The following CMIP variants were observed in gnomAD, a reference collection of about 807,000 sequenced individuals.
The protein encoded by CMIP is C-Maf-inducing protein.
CMIP carries 13 observed loss-of-function variants against 97.3 expected under a neutral mutation model. That is an observed-to-expected ratio of 0.13 (90% CI 0.09 to 0.21). The LOEUF is 0.21. CMIP is among the 10% of genes least tolerant of loss of function. CMIP has a pLI of 1.00. For synonymous variants in CMIP, 538 were observed against 436.3 expected (o/e 1.23, Z -2.91); for missense variants, 847 against 1,024.9 (o/e 0.83, Z 2.37).
chr16:81,557,292 C>G (rs1038277642), intron 1 of CMIP, among the ~76,000 whole-genome samples: 2 of 151,154 alleles, frequency 1.3e-5, no homozygotes, highest in Non-Finnish European at 2.9e-5. Flanking sequence ...TGAATTCACT[C>G]GTGTTGGTTG....
chr16:81,560,015 G>C (rs147545382), intron 1 of CMIP, among the ~76,000 whole-genome samples: 31 of 151,852 alleles, frequency 2.0e-4, no homozygotes, highest in African/African-American at 7.0e-4. Context: ...GGGCATAGTG[G>C]TGTGCACCTG....
At chr16:81,563,288 A>G (rs755747433) in intron 1 of CMIP, among the ~76,000 whole-genome samples, 1 of 152,246 alleles carries the variant, frequency 6.6e-6, no homozygotes, top group Non-Finnish European at 1.5e-5. Flanking sequence ...CTTGGGGATC[A>G]TGGGCTCATA....
At position 81,614,396 on chromosome 16, in the gene CMIP, G is replaced by A. The variant is rs945675987; in HGVS notation, c.427-6480G>A. On this transcript the variant is annotated intron_variant, in intron 2 of 20. Coordinates refer to ENST00000537098, the MANE Select transcript of CMIP (RefSeq NM_198390.3). This position sits in a 1 kb window ranked among gnomAD's most constrained non-coding sequence, Gnocchi z 5.3. The stretch of plus-strand genomic sequence containing the variant: ...CACGGGTTCTCAGGGGCTCCCACGC[G>A]CGGGCCACGGGTCACTTCAGCATGA... Among the ~76,000 whole-genome samples the A allele has an allele frequency of 6.6e-5, 10 of 152,190 alleles. No individual in the cohort carries two copies. The highest frequency in any genetic ancestry group is 2.6e-4 in the Admixed American group (4 of 15,272).
At chr16:81,571,131 GT>G (rs2091079632) in intron 1 of CMIP, among the ~76,000 whole-genome samples, 1 of 152,150 alleles carries the variant, frequency 6.6e-6, no homozygotes. Context: ...TAACTCAGCA[GT>G]TTTTCTGTAA....
At chr16:81,525,654 A>T (rs1179610973) in intron 1 of CMIP, among the ~76,000 whole-genome samples, 1 of 152,154 alleles carries the variant, frequency 6.6e-6, no homozygotes, top group Non-Finnish European at 1.5e-5. Flanking sequence ...TCATTTTTAA[A>T]TGTTAAAGTT....
chr16:81,485,609 CTATT>C (rs1250192150), intron 1 of CMIP, among the ~76,000 whole-genome samples: 1 of 152,132 alleles, frequency 6.6e-6, no homozygotes, highest in Non-Finnish European at 1.5e-5. Context: ...AACTGATGGC[CTATT>C]TATTTAGCTG....
intron 15 of CMIP, among the ~76,000 whole-genome samples, 174 bp downstream of exon 15, chr16:81,699,975 G>A (rs952770866): frequency 2.6e-5 from 4 of 152,152 alleles, no homozygotes; most frequent in Admixed American, 6.5e-5. Context: ...ATCATGCAGT[G>A]TATTTGTTTC....
At chr16:81,590,613 C>G (rs2150918621) in intron 1 of CMIP, among the ~76,000 whole-genome samples, 1 of 152,334 alleles carries the variant, frequency 6.6e-6, no homozygotes, top group East Asian at 1.9e-4. Flanking sequence ...CAGAACTTGT[C>G]TGATGCTTCC....
intron 1 of CMIP, chr16:81,520,688 A>G (rs1189160698): frequency 3.3e-5 from 5 of 152,248 alleles, no homozygotes; most frequent in Non-Finnish European, 5.9e-5. Context: ...GGCATTGGAT[A>G]TAATTAAGTT....
intron 1 of CMIP, among the ~76,000 whole-genome samples, chr16:81,559,921 G>T (rs1567579423): frequency 6.6e-6 from 1 of 152,134 alleles, no homozygotes; most frequent in Non-Finnish European, 1.5e-5. Context: ...GCTGAGGCAG[G>T]TAGATCATCT....
At chr16:81,583,182 G>A (rs1201831125) in intron 1 of CMIP, among the ~76,000 whole-genome samples, 1 of 152,262 alleles carries the variant, frequency 6.6e-6, no homozygotes, top group Non-Finnish European at 1.5e-5. Context: ...TTGCAAGGGA[G>A]TTGCTGCCAA....
intron 1 of CMIP, among the ~76,000 whole-genome samples, chr16:81,500,029 A>G (rs1037985340): frequency 6.6e-6 from 1 of 152,136 alleles, no homozygotes; most frequent in Non-Finnish European, 1.5e-5. Context: ...CTCCTGATGC[A>G]GAACATACCC....
At chr16:81,548,977 C>T (rs2090602760) in intron 1 of CMIP, among the ~76,000 whole-genome samples, 1 of 152,262 alleles carries the variant, frequency 6.6e-6, no homozygotes. Context: ...ATTGACTTGG[C>T]ACCACAGCTG....
chr16:81,681,271 T>C (rs144479237), intron 10 of CMIP, among the ~76,000 whole-genome samples: 7 of 152,344 alleles, frequency 4.6e-5, no homozygotes, highest in African/African-American at 1.2e-4. Flanking sequence ...AGCAGGCTGC[T>C]TAAGTTGCTG....
Position 81,625,434 on chromosome 16 carries a change from G to A in CMIP, c.477+4508G>A, listed in dbSNP as rs574794524. 3.3e-5 allele frequency among the ~76,000 whole-genome samples: 5 copies of A among 152,390 alleles called. No homozygotes were observed. In the South Asian group the frequency reaches 1.0e-3, roughly 32 times the overall value. Reference sequence around the variant, plus strand: ...AGATGTACCTCCTGGCTCATGCCCTGGCCCTCAGAGGCCAAGCCCTGTGGT... The same window carrying A: ...AGATGTACCTCCTGGCTCATGCCCTAGCCCTCAGAGGCCAAGCCCTGTGGT... On this transcript the variant is annotated intron_variant, in intron 3 of 20. Transcript: ENST00000537098.
chr16:81,533,133 G>A (rs1185346538), intron 1 of CMIP, among the ~76,000 whole-genome samples: 2 of 152,060 alleles, frequency 1.3e-5, no homozygotes, highest in South Asian at 2.1e-4. Flanking sequence ...CCTGACTTAC[G>A]TTTTTTTCTC....
At chr16:81,480,943 C>T (rs973913244) in intron 1 of CMIP, among the ~76,000 whole-genome samples, 3 of 152,138 alleles carry the variant, frequency 2.0e-5, no homozygotes, top group Non-Finnish European at 4.4e-5. Context: ...AAAGTTGAGG[C>T]TGAATGCAGT....
intron 1 of CMIP, among the ~76,000 whole-genome samples, chr16:81,475,318 G>T (rs1004142149): frequency 2.6e-5 from 4 of 152,202 alleles, no homozygotes; most frequent in African/African-American, 9.7e-5. Context: ...TAATATTTCA[G>T]TGTAACCACT....
chr16:81,527,804 T>C (rs1425642739), intron 1 of CMIP, among the ~76,000 whole-genome samples: 1 of 152,258 alleles, frequency 6.6e-6, no homozygotes, highest in Non-Finnish European at 1.5e-5. Flanking sequence ...GATCACATTT[T>C]ATCCTAAAAA....
Sources: gnomAD v4.1 joint callset for allele counts (sites outside exome capture counted in the v4.1 genomes callset) on GRCh38, gnomAD v4.1.1 for gene constraint, Gnocchi (gnomAD v3.1) non-coding constraint, MANE v1.5 for transcripts, NCBI Gene and HGNC (gene_info 2026-07-23, HGNC 2026-07-21) for gene names.